The following NSMAF variants were observed in gnomAD, a reference collection of about 807,000 sequenced individuals.
NSMAF encodes neutral sphingomyelinase activation associated factor.
Under a neutral mutation model 134.9 loss-of-function variants are expected in NSMAF, and 90 were observed. That is an observed-to-expected ratio of 0.67 (90% CI 0.56 to 0.79). The LOEUF (loss-of-function observed/expected upper bound fraction) is 0.79. NSMAF is among the 30% of genes least tolerant of loss of function. The probability of loss-of-function intolerance (pLI) is 0.00; values close to 1 mark genes in which losing one functional copy is unlikely to be tolerated. For missense variants in NSMAF, 1,010 were observed against 1,119.0 expected (o/e 0.90, Z 1.39); for synonymous variants, 358 against 389.6 (o/e 0.92, Z 0.96).
intron 24 of NSMAF, among the ~76,000 whole-genome samples, chr8:58,590,407 C>CCCT (rs1805995467): frequency 6.6e-6 from 1 of 152,148 alleles, no homozygotes; most frequent in Non-Finnish European, 1.5e-5. Flanking sequence ...AGAAAATACC[C>CCCT]CCTCTGGACT....
rs1303959279 is a variant in NSMAF, at chr8:58,588,828, T to A, written c.2211+624A>T. On this transcript the variant is annotated intron_variant, in intron 26 of 30. Transcript: ENST00000038176. ...TCTAATTAACTATAATCAACTAATA[T>A]TTCTGATCATGGCAGATGAAAGGGG... The A allele has an allele frequency of 3.8e-6, 3 of 794,028 alleles. No homozygotes were observed. The East Asian group carries it at 7.3e-5, about 19-fold the overall frequency. 49.2% of individuals were successfully genotyped at this position (794,028 alleles called of 1,614,324 possible). A position where few individuals can be genotyped will look rare whatever the true frequency, so the allele number is the denominator to read the frequency against.
intron 1 of NSMAF, among the ~76,000 whole-genome samples, chr8:58,652,927 G>T (rs1367824798): frequency 6.6e-6 from 1 of 152,192 alleles, no homozygotes. Flanking sequence ...ATTCCGTAAC[G>T]AGGATATGAC....
chr8:58,611,293 G>T (rs2129142647), intron 9 of NSMAF, among the ~76,000 whole-genome samples: 1 of 152,240 alleles, frequency 6.6e-6, no homozygotes, highest in East Asian at 1.9e-4. Context: ...TGTAATCCCA[G>T]CACTTTGAGA....
At position 58,599,743 on chromosome 8, in the gene NSMAF, G is replaced by C. The variant is rs772159614; in HGVS notation, c.1453+7C>G. The C allele has an allele frequency of 4.3e-6, 7 of 1,613,120 alleles. No homozygotes were observed. The highest frequency in any genetic ancestry group is 2.2e-5 in the East Asian group (1 of 44,874). ...CTATAATACAACACCTCCAAGGGGG[G>C]ACTCACTGGAAGCCCAAGGGGGAAG... is the stretch of plus-strand genomic sequence containing the variant. On this transcript the variant is annotated splice_region_variant and intron_variant, in intron 18 of 30. Coordinates refer to ENST00000038176, the MANE Select transcript of NSMAF (RefSeq NM_003580.4).
At chr8:58,650,735 G>T (rs1452525729) in intron 1 of NSMAF, among the ~76,000 whole-genome samples, 1 of 152,130 alleles carries the variant, frequency 6.6e-6, no homozygotes, top group South Asian at 2.1e-4. Flanking sequence ...TTTTATGATG[G>T]TTCATTTCAT....
At chr8:58,593,137 AT>A (rs984168606) in intron 23 of NSMAF, among the ~76,000 whole-genome samples, 8 of 152,182 alleles carry the variant, frequency 5.3e-5, no homozygotes, top group Admixed American at 3.9e-4. Context: ...TGAGGCTATA[AT>A]TTTTGGCAAA....
intron 11 of NSMAF, among the ~76,000 whole-genome samples, chr8:58,607,129 G>A (rs1397620952): frequency 6.6e-6 from 1 of 152,136 alleles, no homozygotes; most frequent in Non-Finnish European, 1.5e-5. Flanking sequence ...CAAGTTACTG[G>A]TTAATCTTCA....
At chr8:58,621,775 T>C (rs1417239548) in intron 9 of NSMAF, among the ~76,000 whole-genome samples, 1 of 152,252 alleles carries the variant, frequency 6.6e-6, no homozygotes, top group Admixed American at 6.5e-5. Context: ...GTTGCATGTA[T>C]GTCTTTTTTT....
intron 6 of NSMAF, among the ~76,000 whole-genome samples, chr8:58,625,342 A>G (rs777296509): frequency 2.6e-4 from 39 of 151,934 alleles, no homozygotes; most frequent in Non-Finnish European, 4.7e-4. Context: ...ATATACATAT[A>G]TACAGCAATA....
intron 9 of NSMAF, among the ~76,000 whole-genome samples, chr8:58,615,365 CA>C (rs1806634795): frequency 2.0e-5 from 3 of 152,272 alleles, no homozygotes; most frequent in Admixed American, 2.0e-4. Context: ...ATACTATTTT[CA>C]ACAGCTGCAG....
chr8:58,592,644 T>C (rs896116243), intron 23 of NSMAF, among the ~76,000 whole-genome samples: 2 of 152,198 alleles, frequency 1.3e-5, no homozygotes, highest in South Asian at 2.1e-4. Context: ...TCCCAGCACG[T>C]TGGGAGGCCG....
rs150719986 is a variant in NSMAF, at chr8:58,584,128, A to G, written c.2732T>C (p.Ile911Thr). 5.8e-5 allele frequency: 94 copies of G among 1,613,166 alleles called. No individual in the cohort carries two copies. The African/African-American group carries it at 1.2e-3, about 21-fold the overall frequency. ...CACTTAATACTGCAATTTCCAGAAT[A>G]TAATTTGTCTGTCTTCCCCTCCTGT... is the stretch of plus-strand genomic sequence containing the variant. ...IITGGEDRQIIFWKLQY is the reference protein window; with the variant it reads ...IITGGEDRQITFWKLQY The change falls in exon 31 of 31, where the codon ATA becomes ACA. Residue 911 changes from isoleucine (I) to threonine (T), a missense_variant. Ile to Thr is a moderately conservative substitution (Grantham distance 89). Coordinates refer to ENST00000038176, the MANE Select transcript of NSMAF (RefSeq NM_003580.4).
At chr8:58,650,935 AC>A (rs1807568132) in intron 1 of NSMAF, among the ~76,000 whole-genome samples, 1 of 152,104 alleles carries the variant, frequency 6.6e-6, no homozygotes, top group Non-Finnish European at 1.5e-5. Flanking sequence ...CATTTCTTCC[AC>A]CCACTTAACG....
intron 1 of NSMAF, among the ~76,000 whole-genome samples, chr8:58,658,276 G>T (rs996519462): frequency 3.3e-5 from 5 of 152,198 alleles, no homozygotes; most frequent in African/African-American, 9.7e-5. Context: ...CCCCAAGTGT[G>T]AGTTACATAG....
chr8:58,643,097 C>T lies in NSMAF; in HGVS notation c.60-24G>A, dbSNP rs58627447. 33,093 of 1,558,888 alleles carry T rather than the reference C, an allele frequency of 0.021. 2,327 individuals carry two copies. The East Asian group carries it at 0.25, about 12-fold the overall frequency. On this transcript the variant is annotated intron_variant, in intron 1 of 30. Coordinates refer to ENST00000038176, the MANE Select transcript of NSMAF (RefSeq NM_003580.4). ...ATCTGGATTTGGGGCGAAAAAACAA[C>T]TTTCAGTTTATTTTTTAGTAAGTAT...
At chr8:58,614,241 G>A (rs1199876199) in intron 9 of NSMAF, among the ~76,000 whole-genome samples, 2 of 152,184 alleles carry the variant, frequency 1.3e-5, no homozygotes, top group Non-Finnish European at 2.9e-5. Flanking sequence ...CCCAGACCTA[G>A]GAAAAGTCTT....
Position 58,589,580 on chromosome 8 carries a change from A to G in NSMAF, c.2088-5T>C. The G allele has an allele frequency of 6.4e-7, 1 of 1,565,250 alleles. No homozygotes were observed. The highest frequency in any genetic ancestry group is 2.2e-5 in the Admixed American group (1 of 45,422). On this transcript the variant is annotated splice_region_variant and splice_polypyrimidine_tract_variant and intron_variant, in intron 25 of 30. Coordinates refer to ENST00000038176, the MANE Select transcript of NSMAF (RefSeq NM_003580.4). ...AATGCTATGGAATAAAAATAGCTAA[A>G]AGATAATGAGAAGCATTAAAACAGT...
chr8:58,613,315 G>A (rs976945176), intron 9 of NSMAF, among the ~76,000 whole-genome samples: 7 of 152,210 alleles, frequency 4.6e-5, no homozygotes, highest in Admixed American at 2.6e-4. Context: ...CACAAGATAA[G>A]ATCATAACAG....
intron 26 of NSMAF, chr8:58,588,297 T>A (rs1585723480): frequency 3.0e-6 from 2 of 667,918 alleles, no homozygotes; most frequent in East Asian, 5.4e-5. Context: ...AAATAAAATG[T>A]GTCTTTTAAT....
Sources: allele counts gnomAD v4.1 joint callset (sites outside exome capture counted in the v4.1 genomes callset), GRCh38; gene constraint gnomAD v4.1.1; transcripts MANE v1.5; gene names NCBI Gene and HGNC (gene_info 2026-07-23, HGNC 2026-07-21).